JAZF1: variants seen among roughly 807,000 people sequenced by gnomAD.
JAZF1 encodes juxtaposed with another zinc finger protein 1.
JAZF1 carries 8 observed loss-of-function variants against 26.4 expected under a neutral mutation model. That is an observed-to-expected ratio of 0.30 (90% CI 0.18 to 0.55). The LOEUF is 0.55. Ranked by LOEUF, JAZF1 falls within the 20% of genes least tolerant of loss-of-function variation. The probability of loss-of-function intolerance (pLI) is 0.94; values close to 1 mark genes in which losing one functional copy is unlikely to be tolerated. For synonymous variants in JAZF1, 126 were observed against 122.3 expected, an observed-to-expected ratio of 1.03 and a Z score of -0.20; for missense variants, 199 against 322.0, an observed-to-expected ratio of 0.62 and a Z score of 2.92.
intron 3 of JAZF1, among the ~76,000 whole-genome samples, chr7:27,854,890 G>C (rs1313805587): frequency 6.6e-6 from 1 of 152,106 alleles, no homozygotes; most frequent in Non-Finnish European, 1.5e-5. Flanking sequence ...TGTATTTCCT[G>C]AATTTGAATG....
intron 1 of JAZF1, among the ~76,000 whole-genome samples, chr7:28,039,796 T>C (rs1484457943): frequency 6.6e-6 from 1 of 152,158 alleles, no homozygotes; most frequent in African/African-American, 2.4e-5. Flanking sequence ...CCCAAGGATA[T>C]AAATAACTGG....
chr7:27,906,572 T>A (rs187804342), intron 2 of JAZF1, among the ~76,000 whole-genome samples: 1 of 152,328 alleles, frequency 6.6e-6, no homozygotes. Flanking sequence ...TGGCAATCAC[T>A]CTTTAAAGTC....
At chr7:27,992,333 T>C (rs1336221356) in intron 1 of JAZF1, 3 of 412,774 alleles carry the variant, frequency 7.3e-6, no homozygotes, top group Non-Finnish European at 1.4e-5. Context: ...CTGTTAATTA[T>C]GCTCACTTCA....
chr7:27,968,219 A>G (rs1327478010), intron 2 of JAZF1, among the ~76,000 whole-genome samples: 2 of 152,244 alleles, frequency 1.3e-5, no homozygotes, highest in African/African-American at 4.8e-5. Context: ...AGACCACCTG[A>G]AATTCCAGAT....
intron 2 of JAZF1, among the ~76,000 whole-genome samples, chr7:27,987,196 A>G (rs6979722): frequency 0.028 from 4,220 of 148,676 alleles, 189 homozygotes; most frequent in African/African-American, 0.1. Flanking sequence ...CCGCCATCCC[A>G]TCTAGGAGGT....
chr7:28,012,088 T>C (rs1480292372), intron 1 of JAZF1, among the ~76,000 whole-genome samples: 2 of 152,186 alleles, frequency 1.3e-5, no homozygotes, highest in Non-Finnish European at 2.9e-5. Flanking sequence ...CATCCACATC[T>C]TAACAGTCTG....
At chr7:27,876,372 T>A (rs1169326489) in intron 3 of JAZF1, among the ~76,000 whole-genome samples, 1 of 152,194 alleles carries the variant, frequency 6.6e-6, no homozygotes, top group East Asian at 1.9e-4. Context: ...GGTCATCTGT[T>A]TCCACCTTGA....
chr7:27,872,652 C>A (rs1399115298), intron 3 of JAZF1, among the ~76,000 whole-genome samples: 5 of 152,200 alleles, frequency 3.3e-5, no homozygotes, highest in Non-Finnish European at 4.4e-5. Context: ...CTGTTACTTA[C>A]TTACACTCAC....
At chr7:27,842,724 A>C (rs572719014) in intron 3 of JAZF1, 59 of 152,342 alleles carry the variant, frequency 3.9e-4, no homozygotes, top group Middle Eastern at 3.4e-3. Context: ...TTTTACTCTT[A>C]AACAAATGCC....
chr7:28,002,305 A>G (rs1272999611), intron 1 of JAZF1, among the ~76,000 whole-genome samples: 4 of 152,250 alleles, frequency 2.6e-5, no homozygotes, highest in Non-Finnish European at 5.9e-5. Flanking sequence ...TAAATTTCCC[A>G]AAAGATGACT....
At chr7:27,999,413 C>G (rs1001815417) in intron 1 of JAZF1, among the ~76,000 whole-genome samples, 1 of 152,168 alleles carries the variant, frequency 6.6e-6, no homozygotes, top group Non-Finnish European at 1.5e-5. Flanking sequence ...GAAGAGAAGA[C>G]AGCTGCTTGT....
intron 1 of JAZF1, among the ~76,000 whole-genome samples, chr7:28,164,450 A>G (rs1562609070): frequency 6.6e-6 from 1 of 152,216 alleles, no homozygotes; most frequent in African/African-American, 2.4e-5. Flanking sequence ...ACTACTTTCA[A>G]TTACTTGAAC....
Position 28,148,195 on chromosome 7 carries a change from C to T in JAZF1, c.115+32268G>A, listed in dbSNP as rs971037873. ...AAACAATTCTCCAGCCTCAGCTTCC[C>T]GAGTAGCTGGGATTACAGGCACGCA... On this transcript the variant is annotated intron_variant, in intron 1 of 4. Transcript: ENST00000283928. Among the ~76,000 whole-genome samples, 4 of 151,882 alleles carry T rather than the reference C, an allele frequency of 2.6e-5. No individual in the cohort carries two copies. The East Asian group carries it at 5.8e-4, about 22-fold the overall frequency.
intron 2 of JAZF1, among the ~76,000 whole-genome samples, chr7:27,939,891 C>T (rs1346747576): frequency 6.6e-6 from 1 of 152,208 alleles, no homozygotes; most frequent in Non-Finnish European, 1.5e-5. Flanking sequence ...ACATTGGAAT[C>T]TGGGGCTCTG....
At chr7:28,085,539 C>G (rs146129935) in intron 1 of JAZF1, among the ~76,000 whole-genome samples, 1 of 152,270 alleles carries the variant, frequency 6.6e-6, no homozygotes, top group East Asian at 1.9e-4. Context: ...TTTCCCCAGA[C>G]TAAGACCTCA....
chr7:28,157,208 C>T (rs1417878039), intron 1 of JAZF1, among the ~76,000 whole-genome samples: 1 of 152,196 alleles, frequency 6.6e-6, no homozygotes, highest in Non-Finnish European at 1.5e-5. Flanking sequence ...CTAGGTGTGC[C>T]CACTAAGTCC....
At chr7:27,905,602 T>G (rs1784241974) in intron 2 of JAZF1, among the ~76,000 whole-genome samples, 1 of 151,770 alleles carries the variant, frequency 6.6e-6, no homozygotes, top group African/African-American at 2.4e-5. Context: ...TAAAGGCAGC[T>G]ACAGTAAATT....
chr7:27,948,705 A>G (rs1195420095), intron 2 of JAZF1, among the ~76,000 whole-genome samples: 2 of 152,162 alleles, frequency 1.3e-5, no homozygotes, highest in East Asian at 3.8e-4. Context: ...TATATTGACC[A>G]CCTGTATTGA....
intron 1 of JAZF1, among the ~76,000 whole-genome samples, chr7:28,128,001 G>C (rs904191337): frequency 6.6e-6 from 1 of 152,024 alleles, no homozygotes; most frequent in African/African-American, 2.4e-5. Context: ...GATTTGGGTG[G>C]GGACGCAGCC....
Sources: gnomAD v4.1 joint callset for allele counts (sites outside exome capture counted in the v4.1 genomes callset) on GRCh38, gnomAD v4.1.1 for gene constraint, MANE v1.5 for transcripts, NCBI Gene and HGNC (gene_info 2026-07-23, HGNC 2026-07-21) for gene names.